Variants in PRICKLE2 observed in about 807,000 individuals in gnomAD.
PRICKLE2 encodes the protein prickle-like protein 2.
In PRICKLE2, 21 loss-of-function variants were observed where a neutral mutation model predicts 81.4. That is an observed-to-expected ratio of 0.26 (90% CI 0.18 to 0.37). PRICKLE2 has a LOEUF of 0.37. Ranked by LOEUF, PRICKLE2 falls within the 10% of genes least tolerant of loss-of-function variation. The probability of loss-of-function intolerance (pLI) is 1.00; values close to 1 mark genes in which losing one functional copy is unlikely to be tolerated. For missense variants in PRICKLE2, 940 were observed against 1,109.0 expected, an observed-to-expected ratio of 0.85 and a Z score of 2.16; for synonymous variants, 456 against 421.5, an observed-to-expected ratio of 1.08 and a Z score of -1.00.
chr3:64,197,544 T>C (rs906335685), intron 2 of PRICKLE2, among the ~76,000 whole-genome samples: 6 of 152,192 alleles, frequency 3.9e-5, no homozygotes, highest in African/African-American at 1.4e-4. Flanking sequence ...CAAGATCATA[T>C]CCTTTGGAGG....
chr3:64,164,387 C>T (rs867455610), intron 2 of PRICKLE2, among the ~76,000 whole-genome samples: 2 of 152,100 alleles, frequency 1.3e-5, no homozygotes, highest in Admixed American at 6.5e-5. Flanking sequence ...ATTCTACAAA[C>T]TTGGTCTAAA....
intron 1 of PRICKLE2, among the ~76,000 whole-genome samples, chr3:64,223,666 G>A (rs2078989455): frequency 6.6e-6 from 1 of 152,128 alleles, no homozygotes; most frequent in Non-Finnish European, 1.5e-5. Context: ...AGCATTTGAT[G>A]GAAAGGCAAA....
At chr3:64,201,111 A>G (rs1371696206) in intron 1 of PRICKLE2, 1 of 151,248 alleles carries the variant, frequency 6.6e-6, no homozygotes, top group Non-Finnish European at 1.5e-5. Flanking sequence ...TTGTATTTTT[A>G]GTAGAGACCG....
chr3:64,258,609 A>G (rs1263604276), intron 2 of PRICKLE2, among the ~76,000 whole-genome samples: 2 of 151,954 alleles, frequency 1.3e-5, no homozygotes, highest in African/African-American at 4.8e-5. Flanking sequence ...TCATGAGGTC[A>G]GGAGATCGAG....
intron 7 of PRICKLE2, among the ~76,000 whole-genome samples, chr3:64,123,305 A>G (rs1289594322): frequency 6.6e-6 from 1 of 152,232 alleles, no homozygotes; most frequent in Non-Finnish European, 1.5e-5. Context: ...ATGGACCAAC[A>G]GTGAAGGATG....
At chr3:64,158,863 C>A (rs2077682929) in intron 4 of PRICKLE2, among the ~76,000 whole-genome samples, 1 of 152,174 alleles carries the variant, frequency 6.6e-6, no homozygotes, top group African/African-American at 2.4e-5. Context: ...CAAAAAAGGG[C>A]CTCAAATGAC....
chr3:64,153,120 C>T, intron 6 of PRICKLE2, 62 bp downstream of exon 6: 2 of 1,458,108 alleles, frequency 1.4e-6, no homozygotes, highest in Non-Finnish European at 1.9e-6. Flanking sequence ...ACTTTAACTA[C>T]ACCCAAAACA....
chr3:64,153,215 C>T lies in PRICKLE2; in HGVS notation c.754G>A (p.Ala252Thr). The stretch of plus-strand genomic sequence containing the variant: ...TGGGCACAGGTGTCACAATATTCTG[C>T]ATACAAGGACTCGAAGCAGTGGCAA... ...YCCHCFESLY[A>T]EYCDTCAQHI... Residue 252 changes from alanine (A) to threonine (T), a missense_variant, in exon 6 of 8, where the codon GCA becomes ACA. Physicochemically the swap from Ala to Thr is moderately conservative, Grantham distance 58 (BLOSUM62 0). Coordinates refer to ENST00000638394, the MANE Select transcript of PRICKLE2 (RefSeq NM_198859.4). The T allele has an allele frequency of 1.2e-6, 2 of 1,614,208 alleles. No individual in the cohort carries two copies.
rs554151529 is a variant in PRICKLE2, at chr3:64,146,735, T to C, written c.1660+95A>G. ...TCCAGCCTGGGGGACAGAGCGAGAC[T>C]CCATTTCAAAAAAAAAAAAAATTCC... On this transcript the variant is annotated intron_variant, in intron 7 of 7. Transcript: ENST00000638394. 2,262 of 1,391,572 alleles carry C rather than the reference T, an allele frequency of 1.6e-3. 5 individuals are homozygous for C. The highest frequency in any genetic ancestry group is 1.9e-3 in the Non-Finnish European group (1,862 of 996,174). 86.2% of individuals were successfully genotyped at this position (1,391,572 alleles called of 1,614,324 possible).
intron 2 of PRICKLE2, among the ~76,000 whole-genome samples, chr3:64,254,479 T>C (rs955777649): frequency 6.6e-6 from 1 of 152,168 alleles, no homozygotes; most frequent in Non-Finnish European, 1.5e-5. Context: ...GCTGTTTTCA[T>C]GGTGATGGTG....
At chr3:64,170,324 C>A (rs968001710) in intron 2 of PRICKLE2, among the ~76,000 whole-genome samples, 1 of 152,194 alleles carries the variant, frequency 6.6e-6, no homozygotes, top group African/African-American at 2.4e-5. Flanking sequence ...CTTTTGTTCA[C>A]ACTTGATGTC....
At chr3:64,267,021 T>C (rs2079720623) in intron 2 of PRICKLE2, among the ~76,000 whole-genome samples, 1 of 151,328 alleles carries the variant, frequency 6.6e-6, no homozygotes, top group Non-Finnish European at 1.5e-5. Flanking sequence ...AACAGATGGG[T>C]GGGGGGAGCT....
chr3:64,175,687 G>T (rs1224443231), intron 2 of PRICKLE2, among the ~76,000 whole-genome samples: 1 of 152,032 alleles, frequency 6.6e-6, no homozygotes, highest in Non-Finnish European at 1.5e-5. Context: ...GATATTTATT[G>T]AATCCAGGTA....
chr3:64,179,019 C>CTTTCTTTCT (rs1553648496), intron 2 of PRICKLE2, among the ~76,000 whole-genome samples: 17 of 132,354 alleles, frequency 1.3e-4, no homozygotes, highest in African/African-American at 4.7e-4. Context: ...TTCTTTCTTT[C>CTTTCTTTCT]TTTCTTTCTT....
At chr3:64,230,394 T>C (rs556301126), upstream of PRICKLE2, among the ~76,000 whole-genome samples, 1 of 152,348 alleles carries the variant, frequency 6.6e-6, no homozygotes, top group South Asian at 2.1e-4. Context: ...AAGTTGCATC[T>C]GTTTTACCTC....
At chr3:64,214,183 T>TGTGA (rs1308401182) in intron 1 of PRICKLE2, among the ~76,000 whole-genome samples, 3 of 152,092 alleles carry the variant, frequency 2.0e-5, no homozygotes, top group Non-Finnish European at 2.9e-5. Flanking sequence ...CTGGCAATGG[T>TGTGA]CACACCCTTC....
At chr3:64,260,658 C>T (rs983612529) in intron 2 of PRICKLE2, among the ~76,000 whole-genome samples, 44 of 152,224 alleles carry the variant, frequency 2.9e-4, no homozygotes, top group Non-Finnish European at 6.0e-4. Flanking sequence ...ATCCTCTTCC[C>T]TGCCAATATC....
At chr3:64,140,026 T>C (rs913412546) in intron 7 of PRICKLE2, among the ~76,000 whole-genome samples, 5 of 152,210 alleles carry the variant, frequency 3.3e-5, no homozygotes, top group South Asian at 4.1e-4. Flanking sequence ...CAGCTCAGCA[T>C]TGCATTCCCA....
At chr3:64,184,826 C>T (rs531068383) in intron 2 of PRICKLE2, among the ~76,000 whole-genome samples, 57 of 152,256 alleles carry the variant, frequency 3.7e-4, no homozygotes, top group African/African-American at 1.3e-3. Flanking sequence ...CAGATGAATT[C>T]TTGACTATCC....
Sources: allele counts gnomAD v4.1 joint callset (sites outside exome capture counted in the v4.1 genomes callset), GRCh38; gene constraint gnomAD v4.1.1; transcripts MANE v1.5; gene names NCBI Gene and HGNC (gene_info 2026-07-23, HGNC 2026-07-21).